ABI3BP: variants seen among roughly 807,000 people sequenced by gnomAD.
ABI3BP encodes the protein target of Nesh-SH3.
Under a neutral mutation model 268.6 loss-of-function variants are expected in ABI3BP, and 216 were observed. The ratio of observed to expected loss-of-function variants is 0.80; its 90% confidence interval spans 0.72 to 0.90. The LOEUF is 0.90. Among genes scored for constraint, ABI3BP ranks in the 40% least tolerant of loss-of-function variants. The pLI is 0.00. For missense variants in ABI3BP, 2,090 were observed against 2,182.4 expected, an observed-to-expected ratio of 0.96 and a Z score of 0.84; for synonymous variants, 730 against 730.0, an observed-to-expected ratio of 1.00 and a Z score of 0.00.
At chr3:100,945,805 G>A (rs1334473164) in intron 1 of ABI3BP, 1 of 240,056 alleles carries the variant, frequency 4.2e-6, no homozygotes, top group East Asian at 1.2e-4. Context: ...GTCTTTGTGT[G>A]AACATATATT....
At chr3:100,868,665 A>T (rs1422987321) in intron 9 of ABI3BP, among the ~76,000 whole-genome samples, 1 of 152,242 alleles carries the variant, frequency 6.6e-6, no homozygotes, top group Non-Finnish European at 1.5e-5. Flanking sequence ...GGAATTATTT[A>T]AAATGCCACC....
At chr3:100,892,610 A>G (rs1182742509) in intron 4 of ABI3BP, among the ~76,000 whole-genome samples, 1 of 152,248 alleles carries the variant, frequency 6.6e-6, no homozygotes, top group Admixed American at 6.5e-5. Context: ...AGTCATTTAC[A>G]TACTTGCCAC....
At position 100,749,954 on chromosome 3, in the gene ABI3BP, G is replaced by A. The variant is rs2095230773; in HGVS notation, c.*541C>T. On this transcript the variant is annotated 3_prime_UTR_variant, in exon 68 of 68. Coordinates refer to ENST00000471714, the MANE Select transcript of ABI3BP (RefSeq NM_001375547.2). ...TTAAACTCCTCCGCAAAGCTATTCA[G>A]CTGTTGCTAAAAAATTGAAGTTTAA... The A allele has an allele frequency of 2.6e-6, 1 of 382,788 alleles. No individual in the cohort carries two copies. The highest frequency in any genetic ancestry group is 4.5e-5 in the Admixed American group (1 of 22,302). 23.7% of individuals were successfully genotyped at this position (382,788 alleles called of 1,614,324 possible). A position where few individuals can be genotyped will look rare whatever the true frequency, so the allele number is the denominator to read the frequency against.
At chr3:100,779,681 C>A (rs1456077835) in intron 58 of ABI3BP, among the ~76,000 whole-genome samples, 1 of 151,622 alleles carries the variant, frequency 6.6e-6, no homozygotes, top group African/African-American at 2.4e-5. Context: ...AGTCTTTATT[C>A]AATCCAAAGG....
intron 6 of ABI3BP, among the ~76,000 whole-genome samples, chr3:100,884,334 T>C (rs2040865649): frequency 6.6e-6 from 1 of 152,060 alleles, no homozygotes; most frequent in Non-Finnish European, 1.5e-5. Flanking sequence ...CTTTTTTGTA[T>C]TTATATCTGA....
chr3:100,765,852 T>C lies in ABI3BP; in HGVS notation c.4839A>G (p.Lys1613=). 6.2e-7 allele frequency: 1 copy of C among 1,608,228 alleles called. No individual in the cohort carries two copies. The highest frequency in any genetic ancestry group is 1.3e-5 in the African/African-American group (1 of 75,026). Residue 1613 remains lysine, a synonymous_variant, in exon 63 of 68, where the codon AAA becomes AAG. Coordinates refer to ENST00000471714, the MANE Select transcript of ABI3BP (RefSeq NM_001375547.2). ...NQTFSTVENL[K]PNTSYEFQVK... ...CACTGGTGGCTTACCTCGTGTTTGG[T>C]TTCAGATTTTCTACTGTGGAAAATG... is the stretch of plus-strand genomic sequence containing the variant.
At chr3:100,911,277 A>T (rs973182973) in intron 2 of ABI3BP, 1 of 310,450 alleles carries the variant, frequency 3.2e-6, no homozygotes, top group East Asian at 8.0e-5. Flanking sequence ...TTTTAGAAAC[A>T]TGTCTGTTTT....
At chr3:100,987,389 A>G (rs1209222190) in intron 1 of ABI3BP, among the ~76,000 whole-genome samples, 1 of 152,190 alleles carries the variant, frequency 6.6e-6, no homozygotes, top group Non-Finnish European at 1.5e-5. Context: ...TCTTGAAGGG[A>G]GACAGGGGAA....
intron 5 of ABI3BP, among the ~76,000 whole-genome samples, chr3:100,885,910 A>G (rs1309420371): frequency 2.0e-5 from 3 of 152,054 alleles, no homozygotes; most frequent in Non-Finnish European, 4.4e-5. Context: ...ACAATAGACA[A>G]CGACATCAAT....
At chr3:100,916,506 T>TA (rs1206863784) in intron 2 of ABI3BP, among the ~76,000 whole-genome samples, 1 of 152,200 alleles carries the variant, frequency 6.6e-6, no homozygotes, top group Non-Finnish European at 1.5e-5. Context: ...CTGCTACTTG[T>TA]AGATTTCTTA....
In ABI3BP at chr3:100,885,845, T is replaced by G. The variant is rs572899771; in HGVS notation, c.644-257A>C. On this transcript the variant is annotated intron_variant, in intron 5 of 67. Coordinates refer to ENST00000471714, the MANE Select transcript of ABI3BP (RefSeq NM_001375547.2). ...TTCTGAACATTGGTACATGTTATTGTTTTTCTGGTTCTGTTGGTGTTCGCA... is the reference window on the plus strand; with the variant it reads ...TTCTGAACATTGGTACATGTTATTGGTTTTCTGGTTCTGTTGGTGTTCGCA... Among the ~76,000 whole-genome samples, 30 of 152,114 alleles carry G rather than the reference T, an allele frequency of 2.0e-4. No individual in the cohort carries two copies. In the South Asian group the frequency reaches 5.2e-3, roughly 26 times the overall value.
chr3:100,788,542 T>C (rs1246244822), intron 56 of ABI3BP, among the ~76,000 whole-genome samples: 1 of 152,082 alleles, frequency 6.6e-6, no homozygotes, highest in Admixed American at 6.6e-5. Context: ...CGGTCATTAT[T>C]AGCCATGATT....
chr3:100,973,586 T>G (rs141203189), intron 1 of ABI3BP, among the ~76,000 whole-genome samples: 125 of 152,288 alleles, frequency 8.2e-4, no homozygotes, highest in African/African-American at 2.9e-3. Flanking sequence ...CATTCCTTCT[T>G]TCACCAACAC....
chr3:100,816,358 T>C (rs2152554205), intron 43 of ABI3BP: 1 of 466,850 alleles, frequency 2.1e-6, no homozygotes, highest in South Asian at 2.7e-5. Context: ...GTTTATGTAA[T>C]CATAACAAAT....
chr3:100,856,849 G>T (rs372826803), intron 14 of ABI3BP, among the ~76,000 whole-genome samples: 4 of 152,146 alleles, frequency 2.6e-5, no homozygotes, highest in South Asian at 2.1e-4. Context: ...TGGCATTTAT[G>T]CTGCTTCTCC....
At chr3:100,967,249 C>T (rs1481119798) in intron 1 of ABI3BP, among the ~76,000 whole-genome samples, 3 of 151,958 alleles carry the variant, frequency 2.0e-5, no homozygotes, top group African/African-American at 7.3e-5. Context: ...CACCTGTAAT[C>T]GTAATAGTTT....
At chr3:100,887,290 AT>A (rs1383125437) in intron 4 of ABI3BP, among the ~76,000 whole-genome samples, 1 of 152,084 alleles carries the variant, frequency 6.6e-6, no homozygotes, top group Non-Finnish European at 1.5e-5. Flanking sequence ...ACATGTATCA[AT>A]GTGGATAGAT....
chr3:100,952,966 A>T (rs564983392), intron 1 of ABI3BP, among the ~76,000 whole-genome samples: 11 of 152,238 alleles, frequency 7.2e-5, no homozygotes, highest in Admixed American at 2.6e-4. Flanking sequence ...GCTCTATTTT[A>T]TCCACTCTTT....
At chr3:100,848,440 AT>A (rs1292579069) in intron 18 of ABI3BP, among the ~76,000 whole-genome samples, 1 of 151,120 alleles carries the variant, frequency 6.6e-6, no homozygotes, top group East Asian at 1.9e-4. Context: ...TTAATCTCAA[AT>A]TTTGTAAAGA....
Sources: allele counts gnomAD v4.1 joint callset (sites outside exome capture counted in the v4.1 genomes callset), GRCh38; gene constraint gnomAD v4.1.1; transcripts MANE v1.5; gene names NCBI Gene and HGNC (gene_info 2026-07-23, HGNC 2026-07-21).